TMEM250: variants seen among roughly 807,000 people sequenced by gnomAD.
The protein encoded by TMEM250 is herpes virus UL25-binding protein.
A neutral mutation model predicts 7.0 loss-of-function variants in TMEM250; 7 were observed. That is an observed-to-expected ratio of 1.00 (90% CI 0.57 to 1.87). The LOEUF is 1.87. TMEM250 is among the 40% of genes most tolerant of loss of function. The probability of loss-of-function intolerance (pLI) is 0.00; values close to 1 mark genes in which losing one functional copy is unlikely to be tolerated. For missense variants in TMEM250, 196 were observed against 202.5 expected (o/e 0.97, Z 0.19); for synonymous variants, 135 against 96.7 (o/e 1.40, Z -2.32).
At position 136,116,879 on chromosome 9, in the gene TMEM250, G is replaced by GCCA; in HGVS notation, c.21_22insTGG (p.Pro7_Arg8insTrp). On this transcript the variant is annotated inframe_insertion, in exon 2 of 2. Coordinates refer to ENST00000418388, the MANE Select transcript of TMEM250 (RefSeq NM_152833.3). ...GGGCCGTGGAAGGAGCGCACCCGCC[G>GCCA]CGGAATGGGCATGACCGGCATTGGG... The GCCA allele has an allele frequency of 6.4e-7, 1 of 1,572,808 alleles. No individual in the cohort carries two copies. Among genetic ancestry groups the GCCA allele is most frequent in the Non-Finnish European group, 8.6e-7 (1 of 1,162,440 alleles).
rs1294752318 is a variant in TMEM250, at chr9:136,116,422, C to T, written c.*59G>A. 2.6e-5 allele frequency: 38 copies of T among 1,462,816 alleles called. No homozygotes were observed. Among genetic ancestry groups the T allele is most frequent in the South Asian group, 8.3e-5 (6 of 72,638 alleles). 90.6% of individuals were successfully genotyped at this position (1,462,816 alleles called of 1,614,324 possible). A position where few individuals can be genotyped will look rare whatever the true frequency, so the allele number is the denominator to read the frequency against. On this transcript the variant is annotated 3_prime_UTR_variant, in exon 2 of 2. Transcript: ENST00000418388. Reference sequence around the variant, plus strand: ...GAAGGGAAGGCGCTGGCCGACCCCACCCATGGAGAGAACACAGCCACAGGC... The same window carrying T: ...GAAGGGAAGGCGCTGGCCGACCCCATCCATGGAGAGAACACAGCCACAGGC...
At position 136,116,245 on chromosome 9, in the gene TMEM250, G is replaced by C. The variant is rs1038770012; in HGVS notation, c.*236C>G. The C allele has an allele frequency of 1.3e-6, 1 of 777,906 alleles. No homozygotes were observed. Among genetic ancestry groups the C allele is most frequent in the South Asian group, 2.2e-5 (1 of 46,364 alleles). The allele number at this position is 777,906 out of a possible 1,614,324, so 48.2% of individuals were successfully genotyped here. ...CGAAGACATGTGAGCAGGAGCCACC[G>C]GCAGGTGGGCGCTGCCCCTGAGAGT... On this transcript the variant is annotated 3_prime_UTR_variant, in exon 2 of 2. Transcript: ENST00000418388.
chr9:136,116,220 C>A lies in TMEM250; in HGVS notation c.*261G>T. ...GGAGGGCCCACCCCGCAGTACGACC[C>A]GAAGACATGTGAGCAGGAGCCACCG... On this transcript the variant is annotated 3_prime_UTR_variant, in exon 2 of 2. Transcript: ENST00000418388. 1 of 616,594 alleles carries A rather than the reference C, an allele frequency of 1.6e-6. No individual in the cohort carries two copies. Among genetic ancestry groups the A allele is most frequent in the East Asian group, 3.0e-5 (1 of 33,566 alleles). 38.2% of individuals were successfully genotyped at this position (616,594 alleles called of 1,614,324 possible). A position where few individuals can be genotyped will look rare whatever the true frequency, so the allele number is the denominator to read the frequency against.
Position 136,116,412 on chromosome 9 carries a change from G to A in TMEM250, c.*69C>T. On this transcript the variant is annotated 3_prime_UTR_variant, in exon 2 of 2. Coordinates refer to ENST00000418388, the MANE Select transcript of TMEM250 (RefSeq NM_152833.3). ...GGGGATGGGCGAAGGGAAGGCGCTG[G>A]CCGACCCCACCCATGGAGAGAACAC... 1 of 1,446,476 alleles carries A rather than the reference G, an allele frequency of 6.9e-7. No individual in the cohort carries two copies. Among genetic ancestry groups the A allele is most frequent in the Non-Finnish European group, 9.1e-7 (1 of 1,102,180 alleles). 89.6% of individuals were successfully genotyped at this position (1,446,476 alleles called of 1,614,324 possible). A position where few individuals can be genotyped will look rare whatever the true frequency, so the allele number is the denominator to read the frequency against.
chr9:136,117,104 G>A (rs754736865), intron 1 of TMEM250, 80 bp from the exon 2 acceptor site: 95 of 823,412 alleles, frequency 1.2e-4, no homozygotes, highest in Non-Finnish European at 1.6e-4. Flanking sequence ...TGGCGAAAGT[G>A]GACACAAACT....
intron 1 of TMEM250, 124 bp downstream of exon 1, chr9:136,118,361 C>CCTGCG (rs1367224868): frequency 6.6e-6 from 1 of 152,120 alleles, no homozygotes; most frequent in Non-Finnish European, 1.5e-5. Context: ...GAGCACCGGG[C>CCTGCG]CTGCGCCGCG....
chr9:136,115,857 A>C lies in TMEM250; in HGVS notation c.*624T>G. On this transcript the variant is annotated 3_prime_UTR_variant, in exon 2 of 2. Coordinates refer to ENST00000418388, the MANE Select transcript of TMEM250 (RefSeq NM_152833.3). Reference sequence around the variant, plus strand: ...GCCCCCCGCTAGACTGCATCTACACAATCCAAGGGGACCCTGAAGGCTGGC... The same window carrying C: ...GCCCCCCGCTAGACTGCATCTACACCATCCAAGGGGACCCTGAAGGCTGGC... 1 of 348,218 alleles carries C rather than the reference A, an allele frequency of 2.9e-6. No individual in the cohort carries two copies. Among genetic ancestry groups the C allele is most frequent in the Non-Finnish European group, 5.1e-6 (1 of 194,572 alleles). 21.6% of individuals were successfully genotyped at this position (348,218 alleles called of 1,614,324 possible).
Position 136,115,824 on chromosome 9 carries a change from CT to C in TMEM250, c.*656del. 1 of 270,662 alleles carries C rather than the reference CT, an allele frequency of 3.7e-6. No individual in the cohort carries two copies. Among genetic ancestry groups the C allele is most frequent in the Non-Finnish European group, 6.9e-6 (1 of 145,690 alleles). 16.8% of individuals were successfully genotyped at this position (270,662 alleles called of 1,614,324 possible). ...TGCTGAGGCCCCTCCCACCTGAGCC[CT>C]TCTCCGGCCCCCCGCTAGACTGCAT... is the stretch of plus-strand genomic sequence containing the variant. On this transcript the variant is annotated 3_prime_UTR_variant, in exon 2 of 2. Coordinates refer to ENST00000418388, the MANE Select transcript of TMEM250 (RefSeq NM_152833.3).
intron 1 of TMEM250, among the ~76,000 whole-genome samples, chr9:136,117,368 C>T (rs1830729210): frequency 1.3e-5 from 2 of 152,220 alleles, no homozygotes; most frequent in South Asian, 4.1e-4. Flanking sequence ...CTCGCAGCTC[C>T]CCACTAGCTG....
In TMEM250 at chr9:136,116,343, CCTTT is replaced by C. The variant is rs1314239363; in HGVS notation, c.*134_*137del. On this transcript the variant is annotated 3_prime_UTR_variant, in exon 2 of 2. Coordinates refer to ENST00000418388, the MANE Select transcript of TMEM250 (RefSeq NM_152833.3). ...GCGCCCCCATCACAGAAGTCTCAGCCCTTTCTTTTCTCTCCGTGGGCGCCGGGCA... is the reference window on the plus strand; with the variant it reads ...GCGCCCCCATCACAGAAGTCTCAGCCCTTTTCTCTCCGTGGGCGCCGGGCA... 7.0e-7 allele frequency: 1 copy of C among 1,428,456 alleles called. No individual in the cohort carries two copies. The highest frequency in any genetic ancestry group is 1.4e-5 in the African/African-American group (1 of 69,502). The allele number at this position is 1,428,456 out of a possible 1,614,324, so 88.5% of individuals were successfully genotyped here. A position where few individuals can be genotyped will look rare whatever the true frequency, so the allele number is the denominator to read the frequency against.
chr9:136,116,643 G>C lies in TMEM250; in HGVS notation c.258C>G (p.Val86=). The part of the protein sequence containing the change: ...LFCLQYLGVR[V]LLRFQRKLSV... ...ACAGCTTGCGCTGGAAGCGCAGCAG[G>C]ACGCGAACGCCCAGGTACTGTAGGC... The change falls in exon 2 of 2, where the codon GTC becomes GTG. Residue 86 remains valine (V), a synonymous_variant. Coordinates refer to ENST00000418388, the MANE Select transcript of TMEM250 (RefSeq NM_152833.3). 1 of 1,610,870 alleles carries C rather than the reference G, an allele frequency of 6.2e-7. No individual in the cohort carries two copies. The highest frequency in any genetic ancestry group is 1.1e-5 in the South Asian group (1 of 91,078).
chr9:136,116,912 G>A lies in TMEM250; in HGVS notation c.-12C>T, dbSNP rs745639465. 13 of 1,488,060 alleles carry A rather than the reference G, an allele frequency of 8.7e-6. No homozygotes were observed. The East Asian group carries it at 1.0e-4, about 12-fold the overall frequency. 92.2% of individuals were successfully genotyped at this position (1,488,060 alleles called of 1,614,324 possible). A position where few individuals can be genotyped will look rare whatever the true frequency, so the allele number is the denominator to read the frequency against. ...GGCATGACCGGCATTGGGCCCCGGC[G>A]GCGGCGGCGCTAGGTCGCAGTGGCG... On this transcript the variant is annotated 5_prime_UTR_variant, in exon 2 of 2. Transcript: ENST00000418388.
At position 136,116,675 on chromosome 9, in the gene TMEM250, G is replaced by A. The variant is rs370578089; in HGVS notation, c.226C>T (p.Leu76Phe). Residue 76 changes from leucine (L) to phenylalanine (F), a missense_variant, in exon 2 of 2, where the codon CTC becomes TTC. By Grantham distance (22) the Leu-to-Phe change is conservative. Coordinates refer to ENST00000418388, the MANE Select transcript of TMEM250 (RefSeq NM_152833.3). ...ACGCCCAGGTACTGTAGGCAGAAGAGGGCGGCCAGCGCACCCCAGAGCGCC... is the reference window on the plus strand; with the variant it reads ...ACGCCCAGGTACTGTAGGCAGAAGAAGGCGGCCAGCGCACCCCAGAGCGCC... ...TAALWGALAA[L>F]FCLQYLGVRV... 8 of 1,612,082 alleles carry A rather than the reference G, an allele frequency of 5.0e-6. No homozygotes were observed. Among genetic ancestry groups the A allele is most frequent in the East Asian group, 4.5e-5 (2 of 44,882 alleles).
rs1470978205 is a variant in TMEM250 at position 136,118,817 on chromosome 9, C to A, written c.-457G>T. On this transcript the variant is annotated 5_prime_UTR_variant, in exon 1 of 2. Coordinates refer to ENST00000418388, the MANE Select transcript of TMEM250 (RefSeq NM_152833.3). ...GCGCCGACCGAGCCGCACTTCCCTTCCCCCTGCTCCGGGCCCGCGCTGGGC... is the reference window on the plus strand; with the variant it reads ...GCGCCGACCGAGCCGCACTTCCCTTACCCCTGCTCCGGGCCCGCGCTGGGC... The A allele has an allele frequency of 6.6e-6, 1 of 152,180 alleles. No individual in the cohort carries two copies. The highest frequency in any genetic ancestry group is 1.5e-5 in the Non-Finnish European group (1 of 68,032). The allele number at this position is 152,180 out of a possible 1,614,324, so 9.4% of individuals were successfully genotyped here. A position where few individuals can be genotyped will look rare whatever the true frequency, so the allele number is the denominator to read the frequency against.
At position 136,116,199 on chromosome 9, in the gene TMEM250, G is replaced by A. The variant is rs867424342; in HGVS notation, c.*282C>T. ...AGGCCCACAGAGAGGCGGAACGGAG[G>A]GCCCACCCCGCAGTACGACCCGAAG... On this transcript the variant is annotated 3_prime_UTR_variant, in exon 2 of 2. Transcript: ENST00000418388. The A allele has an allele frequency of 1.8e-6, 1 of 540,764 alleles. No individual in the cohort carries two copies. The highest frequency in any genetic ancestry group is 3.1e-5 in the East Asian group (1 of 32,330). 33.5% of individuals were successfully genotyped at this position (540,764 alleles called of 1,614,324 possible). A position where few individuals can be genotyped will look rare whatever the true frequency, so the allele number is the denominator to read the frequency against.
rs1223212038 is a variant in TMEM250, at chr9:136,114,605, G to A, written c.*1876C>T. On this transcript the variant is annotated 3_prime_UTR_variant, in exon 2 of 2. Transcript: ENST00000418388. ...CTCCATCAACACATTAAAAAAATAGGTTTAATGCAGGTGGGTCATGGCATG... is the reference window on the plus strand; with the variant it reads ...CTCCATCAACACATTAAAAAAATAGATTTAATGCAGGTGGGTCATGGCATG... 3.3e-5 allele frequency: 5 copies of A among 152,228 alleles called. No individual in the cohort carries two copies. Among genetic ancestry groups the A allele is most frequent in the African/African-American group, 4.8e-5 (2 of 41,444 alleles). 9.4% of individuals were successfully genotyped at this position (152,228 alleles called of 1,614,324 possible).
chr9:136,116,659 T>C lies in TMEM250; in HGVS notation c.242A>G (p.Tyr81Cys). 3 of 1,611,780 alleles carry C rather than the reference T, an allele frequency of 1.9e-6. No homozygotes were observed. Among genetic ancestry groups the C allele is most frequent in the Non-Finnish European group, 1.7e-6 (2 of 1,179,682 alleles). The change falls in exon 2 of 2, where the codon TAC (tyrosine) becomes TGC (cysteine). Residue 81 changes from tyrosine to cysteine, a missense_variant. Tyr to Cys is a radical substitution (Grantham distance 194). Transcript: ENST00000418388. Reference protein sequence around the residue: ...GALAALFCLQYLGVRVLLRFQ... With the variant: ...GALAALFCLQCLGVRVLLRFQ... ...GCGCAGCAGGACGCGAACGCCCAGG[T>C]ACTGTAGGCAGAAGAGGGCGGCCAG...
chr9:136,116,006 G>A lies in TMEM250; in HGVS notation c.*475C>T, dbSNP rs116476459. On this transcript the variant is annotated 3_prime_UTR_variant, in exon 2 of 2. Coordinates refer to ENST00000418388, the MANE Select transcript of TMEM250 (RefSeq NM_152833.3). ...TTGTGGCAGTGTGGTGTGTCAGCGA[G>A]GGGAGCCTTCCGTGTCCCGTTGGCT... The A allele has an allele frequency of 4.1e-3, 1,681 of 406,938 alleles. 25 individuals are homozygous for A. The highest frequency in any genetic ancestry group is 0.032 in the African/African-American group (1,545 of 48,826). The allele number at this position is 406,938 out of a possible 1,614,324, so 25.2% of individuals were successfully genotyped here.
At position 136,116,826 on chromosome 9, in the gene TMEM250, G is replaced by C; in HGVS notation, c.75C>G (p.Cys25Trp). 1 of 1,609,698 alleles carries C rather than the reference G, an allele frequency of 6.2e-7. No individual in the cohort carries two copies. The highest frequency in any genetic ancestry group is 2.2e-5 in the East Asian group (1 of 44,764). ...CCAGGTGGGAGGCGCGCACGGGCCC[G>C]CAGGCCGCATGCAGGCAGGTGGTGT... ...GPHTTCLHAA[C>W]GPVRASHLAR... Residue 25 changes from cysteine to tryptophan, a missense_variant, in exon 2 of 2, where the codon TGC becomes TGG. Cys to Trp is a radical substitution (Grantham distance 215). Coordinates refer to ENST00000418388, the MANE Select transcript of TMEM250 (RefSeq NM_152833.3).
Sources: gnomAD v4.1 joint callset for allele counts (sites outside exome capture counted in the v4.1 genomes callset) on GRCh38, gnomAD v4.1.1 for gene constraint, MANE v1.5 for transcripts, NCBI Gene and HGNC (gene_info 2026-07-23, HGNC 2026-07-21) for gene names.